The following NECTIN3 variants were observed in gnomAD, a reference collection of about 807,000 sequenced individuals.
The protein encoded by NECTIN3 is nectin-3.
Under a neutral mutation model 49.4 loss-of-function variants are expected in NECTIN3, and 8 were observed. The ratio of observed to expected loss-of-function variants is 0.16; its 90% CI spans 0.10 to 0.29. The LOEUF is 0.29. Ranked by LOEUF, NECTIN3 falls within the 10% of genes least tolerant of loss-of-function variation. NECTIN3 has a pLI of 1.00. For synonymous variants in NECTIN3, 277 were observed against 241.1 expected, an observed-to-expected ratio of 1.15 and a Z score of -1.38; for missense variants, 581 against 654.6, an observed-to-expected ratio of 0.89 and a Z score of 1.23.
chr3:111,161,178 G>C (rs561116097), intron 7 of NECTIN3, among the ~76,000 whole-genome samples: 63 of 152,244 alleles, frequency 4.1e-4, no homozygotes, highest in Middle Eastern at 3.4e-3. Flanking sequence ...ACACAACCTG[G>C]AGACATAAGG....
At chr3:111,110,128 G>A (rs2033391096) in intron 1 of NECTIN3, among the ~76,000 whole-genome samples, 1 of 151,668 alleles carries the variant, frequency 6.6e-6, no homozygotes, top group Non-Finnish European at 1.5e-5. Context: ...GGATTTTGCA[G>A]GTAATAGATT....
At chr3:111,179,420 A>G (rs1286932426) in intron 7 of NECTIN3, among the ~76,000 whole-genome samples, 2 of 152,176 alleles carry the variant, frequency 1.3e-5, no homozygotes. Context: ...CTATGCAATG[A>G]TAGCTTTTCA....
chr3:111,078,961 T>A (rs968169304), intron 1 of NECTIN3, among the ~76,000 whole-genome samples: 2 of 152,080 alleles, frequency 1.3e-5, no homozygotes, highest in Non-Finnish European at 2.9e-5. Context: ...ATGAATGAAG[T>A]GGGTAAATTT....
At chr3:111,113,717 C>A (rs2033568976) in intron 2 of NECTIN3, among the ~76,000 whole-genome samples, 1 of 152,168 alleles carries the variant, frequency 6.6e-6, no homozygotes, top group Non-Finnish European at 1.5e-5. Context: ...TACTGTATGG[C>A]TCACTCCTGT....
At chr3:111,090,683 T>G (rs1480182316) in intron 1 of NECTIN3, among the ~76,000 whole-genome samples, 1 of 71,590 alleles carries the variant, frequency 1.4e-5, no homozygotes, top group Non-Finnish European at 4.0e-5. Flanking sequence ...TAGTTCGTTT[T>G]TTCATGGCAT....
At chr3:111,114,367 AC>A (rs2033601024) in intron 2 of NECTIN3, among the ~76,000 whole-genome samples, 1 of 151,948 alleles carries the variant, frequency 6.6e-6, no homozygotes, top group African/African-American at 2.4e-5. Context: ...GCCATTCTTG[AC>A]CCGTTTCCCC....
At chr3:111,121,001 CTTTT>C (rs397954033) in intron 3 of NECTIN3, among the ~76,000 whole-genome samples, 1 of 129,550 alleles carries the variant, frequency 7.7e-6, no homozygotes, top group Non-Finnish European at 1.7e-5. Flanking sequence ...TTATTTCTTT[CTTTT>C]TTTTTTTTTT....
At chr3:111,140,938 T>G (rs2034727789), downstream of NECTIN3, among the ~76,000 whole-genome samples, 1 of 151,950 alleles carries the variant, frequency 6.6e-6, no homozygotes, top group African/African-American at 2.4e-5. Flanking sequence ...TGGTAATATT[T>G]CTATACTTCC....
intron 6 of NECTIN3, chr3:111,145,110 C>A: frequency 7.0e-7 from 1 of 1,430,160 alleles, no homozygotes; most frequent in African/African-American, 1.4e-5. Flanking sequence ...ACCTTTACAG[C>A]TCCTCATAAA....
downstream of NECTIN3, chr3:111,137,606 C>T: frequency 8.4e-6 from 5 of 595,014 alleles, no homozygotes; most frequent in Non-Finnish European, 1.0e-5. Context: ...TCTTTGTCCT[C>T]GTATTTACTA....
At chr3:111,131,332 A>G (rs555426418) in intron 5 of NECTIN3, among the ~76,000 whole-genome samples, 2 of 152,134 alleles carry the variant, frequency 1.3e-5, no homozygotes, top group African/African-American at 4.8e-5. Flanking sequence ...TAACTGAAAA[A>G]TGAGGAATAC....
intron 1 of NECTIN3, among the ~76,000 whole-genome samples, chr3:111,078,373 G>A (rs2107356916): frequency 6.6e-6 from 1 of 152,162 alleles, no homozygotes; most frequent in Non-Finnish European, 1.5e-5. Context: ...ATGCTTTCAG[G>A]CTTAAAACAG....
intron 5 of NECTIN3, among the ~76,000 whole-genome samples, chr3:111,131,302 A>G (rs1576145346): frequency 6.6e-6 from 1 of 152,142 alleles, no homozygotes; most frequent in African/African-American, 2.4e-5. Context: ...CAGTCAGCAA[A>G]GAGTATGAAA....
intron 2 of NECTIN3, among the ~76,000 whole-genome samples, chr3:111,113,701 A>T (rs570223198): frequency 6.6e-6 from 1 of 152,136 alleles, no homozygotes; most frequent in Non-Finnish European, 1.5e-5. Context: ...AAAAGGTAAC[A>T]CAAAGTACTG....
chr3:111,155,216 C>G (rs768313749), intron 7 of NECTIN3, among the ~76,000 whole-genome samples: 1 of 152,160 alleles, frequency 6.6e-6, no homozygotes, highest in Admixed American at 6.5e-5. Context: ...GGATTACAGG[C>G]GTGAGCCGCC....
downstream of NECTIN3, among the ~76,000 whole-genome samples, chr3:111,140,397 C>T (rs2034712711): frequency 6.6e-6 from 1 of 151,072 alleles, no homozygotes; most frequent in South Asian, 2.1e-4. Context: ...GGTTAGATTG[C>T]CATGCAAATT....
chr3:111,140,031 T>G (rs965255944), downstream of NECTIN3, among the ~76,000 whole-genome samples: 2 of 151,902 alleles, frequency 1.3e-5, no homozygotes, highest in African/African-American at 4.8e-5. Flanking sequence ...TTTTATACTT[T>G]CTGATTCAGT....
At chr3:111,072,619 G>T in intron 1 of NECTIN3, 1 of 1,509,930 alleles carries the variant, frequency 6.6e-7, no homozygotes, top group Non-Finnish European at 8.9e-7. Context: ...AAGCCTCCGG[G>T]TCCACTTCTC....
chr3:111,186,622 C>T (rs1559823300), intron 7 of NECTIN3, among the ~76,000 whole-genome samples: 1 of 152,110 alleles, frequency 6.6e-6, no homozygotes, highest in South Asian at 2.1e-4. Flanking sequence ...ATTAGATCCC[C>T]ATGATACACA....
Sources: allele counts gnomAD v4.1 joint callset (sites outside exome capture counted in the v4.1 genomes callset), GRCh38; gene constraint gnomAD v4.1.1; transcripts MANE v1.5; gene names NCBI Gene and HGNC (gene_info 2026-07-23, HGNC 2026-07-21).